C20orf203: variants seen among roughly 807,000 people sequenced by gnomAD.
The protein encoded by C20orf203 is uncharacterized protein C20orf203.
C20orf203 carries 16 observed loss-of-function variants against 15.9 expected under a neutral mutation model. The ratio of observed to expected loss-of-function variants is 1.01; its 90% CI spans 0.68 to 1.53. C20orf203 has a LOEUF of 1.53. Among genes scored for constraint, C20orf203 ranks in the 40% most tolerant of loss-of-function variants. The pLI is 0.00. For missense variants in C20orf203, 263 were observed against 247.5 expected (o/e 1.06, Z -0.42); for synonymous variants, 98 against 97.2 (o/e 1.01, Z -0.05).
At chr20:32,670,030 G>A (rs757760379) in intron 1 of C20orf203, among the ~76,000 whole-genome samples, 1 of 151,876 alleles carries the variant, frequency 6.6e-6, no homozygotes, top group Non-Finnish European at 1.5e-5. Context: ...CTGAAACCTC[G>A]TCTCTACTAA....
At chr20:32,671,514 C>A (rs1406425655) in intron 1 of C20orf203, among the ~76,000 whole-genome samples, 14 of 151,906 alleles carry the variant, frequency 9.2e-5, no homozygotes, top group Non-Finnish European at 1.9e-4. Flanking sequence ...AAAATAAAGA[C>A]AAAAAAATTT....
intron 4 of C20orf203, among the ~76,000 whole-genome samples, chr20:32,642,461 GAAACTGC>G (rs1178968427): frequency 3.3e-4 from 50 of 152,232 alleles, no homozygotes; most frequent in African/African-American, 1.1e-3. Flanking sequence ...CCAGGAGGAA[GAAACTGC>G]TGAGGCCCAG....
At chr20:32,644,535 TC>T (rs1366745671) in intron 4 of C20orf203, among the ~76,000 whole-genome samples, 1 of 152,072 alleles carries the variant, frequency 6.6e-6, no homozygotes, top group Admixed American at 6.6e-5. Flanking sequence ...CAGCCCAGCC[TC>T]AGGCAAGGGA....
rs538800429 is a variant in C20orf203, at chr20:32,649,461, C to T, written c.*971G>A. The T allele has an allele frequency of 1.4e-4, 21 of 152,522 alleles. No individual in the cohort carries two copies. The highest frequency in any genetic ancestry group is 4.8e-4 in the African/African-American group (20 of 41,572). The allele number at this position is 152,522 out of a possible 1,614,324, so 9.4% of individuals were successfully genotyped here. A position where few individuals can be genotyped will look rare whatever the true frequency, so the allele number is the denominator to read the frequency against. ...GAAGCAGCTATGAATCATAGGGGAA[C>T]TAAGGCATGGTACGGTTTGGTGGCT... is the stretch of plus-strand genomic sequence containing the variant. On this transcript the variant is annotated 3_prime_UTR_variant, in exon 4 of 6. Transcript: ENST00000608990.
chr20:32,636,245 G>A (rs550242121), intron 5 of C20orf203, among the ~76,000 whole-genome samples: 2 of 152,248 alleles, frequency 1.3e-5, no homozygotes, highest in East Asian at 1.9e-4. Flanking sequence ...ATCTTATTTC[G>A]AAAATGTCCA....
At chr20:32,673,106 C>G (rs938007035) in intron 1 of C20orf203, among the ~76,000 whole-genome samples, 4 of 152,178 alleles carry the variant, frequency 2.6e-5, no homozygotes, top group African/African-American at 9.6e-5. Context: ...TCCCACCTCA[C>G]ACCCTGGGGC....
chr20:32,663,089 T>C (rs998183094), intron 1 of C20orf203, among the ~76,000 whole-genome samples: 3 of 151,688 alleles, frequency 2.0e-5, no homozygotes, highest in African/African-American at 7.3e-5. Flanking sequence ...GATGGGATTA[T>C]AGGCGCCCAC....
At position 32,633,635 on chromosome 20, in the gene C20orf203, C is replaced by A. The variant is rs1349248184; in HGVS notation, c.*1935G>T. The A allele has an allele frequency of 5.2e-6, 1 of 193,730 alleles. No individual in the cohort carries two copies. Among genetic ancestry groups the A allele is most frequent in the Non-Finnish European group, 1.0e-5 (1 of 95,896 alleles). The allele number at this position is 193,730 out of a possible 1,614,324, so 12.0% of individuals were successfully genotyped here. A position where few individuals can be genotyped will look rare whatever the true frequency, so the allele number is the denominator to read the frequency against. On this transcript the variant is annotated 3_prime_UTR_variant, in exon 6 of 6. Transcript: ENST00000608990. ...TCATTTTATGGGAAAAACTGAGGCA[C>A]AAAGAAGCTGTCCCTGGCACAGGGT...
chr20:32,655,636 T>C (rs2145675328), intron 1 of C20orf203, among the ~76,000 whole-genome samples: 1 of 152,006 alleles, frequency 6.6e-6, no homozygotes, highest in Non-Finnish European at 1.5e-5. Flanking sequence ...CTACTAAAAA[T>C]ATAAAAATTA....
At position 32,649,453 on chromosome 20, in the gene C20orf203, T is replaced by C. The variant is rs1380419881; in HGVS notation, c.*979A>G. 2 of 152,502 alleles carry C rather than the reference T, an allele frequency of 1.3e-5. No homozygotes were observed. The highest frequency in any genetic ancestry group is 1.9e-4 in the East Asian group (1 of 5,182). The allele number at this position is 152,502 out of a possible 1,614,324, so 9.4% of individuals were successfully genotyped here. On this transcript the variant is annotated 3_prime_UTR_variant, in exon 4 of 6. Transcript: ENST00000608990. ...CAGCCCATGAAGCAGCTATGAATCA[T>C]AGGGGAACTAAGGCATGGTACGGTT...
rs1397695960 is a variant in C20orf203, at chr20:32,650,428, T to A, written c.*4A>T. The A allele has an allele frequency of 2.6e-6, 4 of 1,547,666 alleles. No homozygotes were observed. The highest frequency in any genetic ancestry group is 3.5e-6 in the Non-Finnish European group (4 of 1,145,046). The stretch of plus-strand genomic sequence containing the variant: ...AGCTGGGGGTGGGGGCGCCCTGGGC[T>A]CGGCTAATTAAACAGCGACCGTGAT... On this transcript the variant is annotated 3_prime_UTR_variant, in exon 4 of 6. Coordinates refer to ENST00000608990, the MANE Select transcript of C20orf203 (RefSeq NM_182584.4).
chr20:32,659,606 G>A (rs893940229), intron 1 of C20orf203, among the ~76,000 whole-genome samples: 1 of 152,234 alleles, frequency 6.6e-6, no homozygotes, highest in Non-Finnish European at 1.5e-5. Flanking sequence ...GACTGGACCT[G>A]GCTGGACCCC....
chr20:32,658,436 T>A (rs1017261865), intron 1 of C20orf203, among the ~76,000 whole-genome samples: 3 of 151,266 alleles, frequency 2.0e-5, no homozygotes, highest in African/African-American at 7.4e-5. Flanking sequence ...ACTACAGATG[T>A]ACACTACCAT....
chr20:32,653,410 A>G (rs1982685557), intron 1 of C20orf203, among the ~76,000 whole-genome samples: 1 of 152,166 alleles, frequency 6.6e-6, no homozygotes, highest in Non-Finnish European at 1.5e-5. Flanking sequence ...GCTGAACTGT[A>G]GGTCGCTGAG....
intron 1 of C20orf203, among the ~76,000 whole-genome samples, chr20:32,669,095 G>A (rs1983102503): frequency 6.6e-6 from 1 of 152,194 alleles, no homozygotes; most frequent in Non-Finnish European, 1.5e-5. Context: ...CTGGTAACGG[G>A]GCAATTAAAA....
intron 5 of C20orf203, among the ~76,000 whole-genome samples, chr20:32,635,304 C>T (rs973000544): frequency 2.0e-5 from 3 of 150,766 alleles, no homozygotes; most frequent in Non-Finnish European, 2.9e-5. Flanking sequence ...TCAAGAGCAG[C>T]CCGACTAACA....
At chr20:32,663,452 A>ACATT (rs1982944516) in intron 1 of C20orf203, among the ~76,000 whole-genome samples, 1 of 152,190 alleles carries the variant, frequency 6.6e-6, no homozygotes, top group African/African-American at 2.4e-5. Context: ...CCAGCTACAG[A>ACATT]GTATGATTAC....
At chr20:32,671,002 C>A (rs551404284) in intron 1 of C20orf203, among the ~76,000 whole-genome samples, 1 of 125,750 alleles carries the variant, frequency 8.0e-6, no homozygotes, top group East Asian at 2.1e-4. Flanking sequence ...CCTGTTAGAA[C>A]TGCCATTATT....
chr20:32,645,065 G>T (rs1028330590), intron 4 of C20orf203, among the ~76,000 whole-genome samples: 1 of 151,904 alleles, frequency 6.6e-6, no homozygotes, highest in African/African-American at 2.4e-5. Context: ...AGGTTCTCAG[G>T]GCCTCAGATA....
Sources: gnomAD v4.1 joint callset for allele counts (sites outside exome capture counted in the v4.1 genomes callset) on GRCh38, gnomAD v4.1.1 for gene constraint, MANE v1.5 for transcripts, NCBI Gene and HGNC (gene_info 2026-07-23, HGNC 2026-07-21) for gene names.